DCAF17: variants seen among roughly 807,000 people sequenced by gnomAD.
DCAF17 encodes DDB1 and CUL4 associated factor 17, also known as DDB1- and CUL4-associated factor 17.
DCAF17 carries 48 observed loss-of-function variants against 66.0 expected under a neutral mutation model. That is an observed-to-expected ratio of 0.73 (90% CI 0.58 to 0.92). The LOEUF (loss-of-function observed/expected upper bound fraction) is 0.92. DCAF17 is among the 40% of genes least tolerant of loss of function. The probability of loss-of-function intolerance (pLI) is 0.00; values close to 1 mark genes in which losing one functional copy is unlikely to be tolerated. For synonymous variants in DCAF17, 206 were observed against 214.6 expected (o/e 0.96, Z 0.35); for missense variants, 562 against 622.8 (o/e 0.90, Z 1.04).
At chr2:171,461,100 T>C (rs916307457) in intron 8 of DCAF17, among the ~76,000 whole-genome samples, 1 of 152,210 alleles carries the variant, frequency 6.6e-6, no homozygotes, top group Admixed American at 6.5e-5. Context: ...ATTTTAACTT[T>C]AAATAACTTT....
At position 171,434,277 on chromosome 2, in the gene DCAF17, G is replaced by A. The variant is rs1390618550; in HGVS notation, c.-301G>A. 3.6e-6 allele frequency: 2 copies of A among 552,442 alleles called. No homozygotes were observed. The highest frequency in any genetic ancestry group is 3.4e-6 in the Non-Finnish European group (1 of 291,942). 34.2% of individuals were successfully genotyped at this position (552,442 alleles called of 1,614,324 possible). A position where few individuals can be genotyped will look rare whatever the true frequency, so the allele number is the denominator to read the frequency against. On this transcript the variant is annotated 5_prime_UTR_variant, in exon 1 of 14. Transcript: ENST00000375255. ...CTAGGAACTACATTTCCCGGTGAGAGAGCGGCTCCGGCCGGCCGCGCGGTA... is the reference window on the plus strand; with the variant it reads ...CTAGGAACTACATTTCCCGGTGAGAAAGCGGCTCCGGCCGGCCGCGCGGTA...
At position 171,481,666 on chromosome 2, in the gene DCAF17, T is replaced by C; in HGVS notation, c.*552T>C. 2.2e-6 allele frequency: 1 copy of C among 453,364 alleles called. No individual in the cohort carries two copies. Among genetic ancestry groups the C allele is most frequent in the Non-Finnish European group, 4.4e-6 (1 of 226,612 alleles). The allele number at this position is 453,364 out of a possible 1,614,324, so 28.1% of individuals were successfully genotyped here. A position where few individuals can be genotyped will look rare whatever the true frequency, so the allele number is the denominator to read the frequency against. ...TATATATGTATTTATATGTGTTTCG[T>C]ATTTGTATATAGTATCAGGAATTGG... is the stretch of plus-strand genomic sequence containing the variant. On this transcript the variant is annotated 3_prime_UTR_variant, in exon 14 of 14. Transcript: ENST00000375255.
intron 11 of DCAF17, 145 bp from the exon 12 acceptor site, chr2:171,477,842 C>A: frequency 1.4e-6 from 1 of 712,948 alleles, no homozygotes; most frequent in Non-Finnish European, 2.5e-6. Context: ...GATCAGAAAT[C>A]TGATTCAGAA....
rs1694787073 is a variant in DCAF17, at chr2:171,448,768, A to G, written c.409A>G (p.Thr137Ala). ...TTGGCTACTTCGTATATCAGCAACT[A>G]CGGGAAAAATCCTTGAGAAAATATA... Reference protein sequence around the residue: ...HNWLLRISATTGKILEKIYLA... With the variant: ...HNWLLRISATAGKILEKIYLA... The change falls in exon 4 of 14, where the codon ACG becomes GCG. Residue 137 changes from threonine to alanine, a missense_variant. Coordinates refer to ENST00000375255, the MANE Select transcript of DCAF17 (RefSeq NM_025000.4). The G allele has an allele frequency of 1.2e-6, 2 of 1,613,332 alleles. No individual in the cohort carries two copies. Among genetic ancestry groups the G allele is most frequent in the African/African-American group, 2.7e-5 (2 of 74,868 alleles).
At chr2:171,442,152 C>T (rs72882321) in intron 2 of DCAF17, among the ~76,000 whole-genome samples, 18,292 of 152,212 alleles carry the variant, frequency 0.12, 1,301 homozygotes, top group Non-Finnish European at 0.17. Context: ...TCTTGTGAAA[C>T]TGTTTGGTTT....
At chr2:171,450,446 G>T (rs1694884570) in intron 5 of DCAF17, among the ~76,000 whole-genome samples, 1 of 150,802 alleles carries the variant, frequency 6.6e-6, no homozygotes, top group Non-Finnish European at 1.5e-5. Flanking sequence ...TTTTTCTGAA[G>T]CGTGCTATTT....
rs189826325 is a variant in DCAF17 at position 171,473,350 on chromosome 2, G to C, written c.982-516G>C. ...TCAGGTGCAGTGGCTTACGCATGTA[G>C]TCCTAGCACTTTAAGAGGCTAAGGT... On this transcript the variant is annotated intron_variant, in intron 9 of 13. Transcript: ENST00000375255. Among the ~76,000 whole-genome samples the C allele has an allele frequency of 3.9e-5, 6 of 152,218 alleles. No homozygotes were observed. The East Asian group carries it at 1.2e-3, about 29-fold the overall frequency.
At chr2:171,461,486 G>A (rs777053231) in intron 8 of DCAF17, among the ~76,000 whole-genome samples, 2 of 151,954 alleles carry the variant, frequency 1.3e-5, no homozygotes, top group African/African-American at 2.4e-5. Context: ...ATAAAGATAA[G>A]CAAAAGAGAA....
chr2:171,443,722 C>T, intron 3 of DCAF17, 109 bp downstream of exon 3: 2 of 853,718 alleles, frequency 2.3e-6, no homozygotes, highest in Non-Finnish European at 3.8e-6. Flanking sequence ...CATAGTGACT[C>T]TTGCATCTTT....
intron 2 of DCAF17, among the ~76,000 whole-genome samples, chr2:171,442,949 G>A (rs1694389316): frequency 6.6e-6 from 1 of 151,716 alleles, no homozygotes; most frequent in Admixed American, 6.6e-5. Context: ...AATTAAAAGA[G>A]ACTATTTTTC....
chr2:171,469,029 T>G lies in DCAF17; in HGVS notation c.980T>G (p.Leu327Arg). Residue 327 changes from leucine (L) to arginine (R), a missense_variant and splice_region_variant, in exon 9 of 14, where the codon CTG becomes CGG. Transcript: ENST00000375255. ...FHICALKDNS[L>R]AKNGIQEMDC... ...ATTTGTGCCCTAAAAGACAATTCCC[T>G]GGTAAATGAGTGATCAGACTTTTTA... 6.2e-7 allele frequency: 1 copy of G among 1,614,048 alleles called. No homozygotes were observed. The highest frequency in any genetic ancestry group is 8.5e-7 in the Non-Finnish European group (1 of 1,179,938).
intron 9 of DCAF17, among the ~76,000 whole-genome samples, chr2:171,470,264 C>A (rs1414366753): frequency 2.0e-5 from 3 of 152,148 alleles, no homozygotes; most frequent in African/African-American, 7.2e-5. Context: ...CTCAAGTGAT[C>A]CTCCCTCTTG....
intron 10 of DCAF17, among the ~76,000 whole-genome samples, chr2:171,474,814 T>C (rs1009666654): frequency 1.3e-5 from 2 of 152,218 alleles, no homozygotes; most frequent in African/African-American, 4.8e-5. Flanking sequence ...ACAAAATATT[T>C]TTTAAATCTG....
At position 171,457,453 on chromosome 2, in the gene DCAF17, T is replaced by A. The variant is rs181728507; in HGVS notation, c.628-518T>A. The stretch of plus-strand genomic sequence containing the variant: ...TAGAAAAATATGCAATTAGAGAGAT[T>A]TGGTTTTAAATATTGTTACTTGGGA... On this transcript the variant is annotated intron_variant, in intron 6 of 13. Coordinates refer to ENST00000375255, the MANE Select transcript of DCAF17 (RefSeq NM_025000.4). 8.5e-5 allele frequency among the ~76,000 whole-genome samples: 13 copies of A among 152,294 alleles called. No individual in the cohort carries two copies. In the East Asian group the frequency reaches 2.5e-3, roughly 29 times the overall value.
intron 2 of DCAF17, among the ~76,000 whole-genome samples, chr2:171,438,654 T>A (rs1051135869): frequency 6.6e-6 from 1 of 151,888 alleles, no homozygotes; most frequent in Admixed American, 6.5e-5. Context: ...TGTCTGAAAT[T>A]AGTATAGCTA....
chr2:171,482,952 G>A lies in DCAF17; in HGVS notation c.*1838G>A, dbSNP rs1696803031. The A allele has an allele frequency of 2.2e-6, 1 of 453,974 alleles. No individual in the cohort carries two copies. Among genetic ancestry groups the A allele is most frequent in the African/African-American group, 2.0e-5 (1 of 50,000 alleles). The allele number at this position is 453,974 out of a possible 1,614,324, so 28.1% of individuals were successfully genotyped here. On this transcript the variant is annotated 3_prime_UTR_variant, in exon 14 of 14. Coordinates refer to ENST00000375255, the MANE Select transcript of DCAF17 (RefSeq NM_025000.4). Reference sequence around the variant, plus strand: ...ATATACCTCATGTGAAAGACAGTAAGGAGTTGTGGGCAGTGTAACAAACAG... The same window carrying A: ...ATATACCTCATGTGAAAGACAGTAAAGAGTTGTGGGCAGTGTAACAAACAG...
At chr2:171,468,151 T>C (rs1299218898) in intron 8 of DCAF17, among the ~76,000 whole-genome samples, 1 of 151,980 alleles carries the variant, frequency 6.6e-6, no homozygotes, top group Non-Finnish European at 1.5e-5. Flanking sequence ...CTACTTAAAG[T>C]TGTGATAAAA....
chr2:171,450,753 T>C (rs1214402454), intron 5 of DCAF17, among the ~76,000 whole-genome samples: 2 of 152,196 alleles, frequency 1.3e-5, no homozygotes, highest in Non-Finnish European at 2.9e-5. Context: ...CTAGTGTCCT[T>C]GATTGCAAAA....
intron 6 of DCAF17, among the ~76,000 whole-genome samples, chr2:171,454,005 A>G (rs1695101718): frequency 6.6e-6 from 1 of 152,050 alleles, no homozygotes; most frequent in Non-Finnish European, 1.5e-5. Flanking sequence ...CACTTTGAAT[A>G]TTTTACAACA....
Sources: allele counts gnomAD v4.1 joint callset (sites outside exome capture counted in the v4.1 genomes callset), GRCh38; gene constraint gnomAD v4.1.1; transcripts MANE v1.5; gene names NCBI Gene and HGNC (gene_info 2026-07-23, HGNC 2026-07-21).